ARL13B: variants seen among roughly 807,000 people sequenced by gnomAD.
The protein encoded by ARL13B is ARF like GTPase 13B.
ARL13B carries 36 observed loss-of-function variants against 56.1 expected under a neutral mutation model. That is an observed-to-expected ratio of 0.64 (90% CI 0.49 to 0.85). The LOEUF is 0.85. Ranked by LOEUF, ARL13B falls within the 40% of genes least tolerant of loss-of-function variation. ARL13B has a pLI of 0.00. For synonymous variants in ARL13B, 178 were observed against 171.1 expected (o/e 1.04, Z -0.32); for missense variants, 519 against 507.1 (o/e 1.02, Z -0.23).
In ARL13B at chr3:94,029,740, C is replaced by T. The variant is rs138146882; in HGVS notation, c.381-5591C>T. Among the ~76,000 whole-genome samples, 167 of 152,192 alleles carry T rather than the reference C, an allele frequency of 1.1e-3. 1 individual carries two copies. The highest frequency in any genetic ancestry group is 3.7e-3 in the African/African-American group (154 of 41,532). The stretch of plus-strand genomic sequence containing the variant: ...CTTTACACACCTACTTTTTATAGCA[C>T]TCTTTGTAAAAACAAAACACTGGAA... On this transcript the variant is annotated intron_variant, in intron 3 of 9. Coordinates refer to ENST00000394222, the MANE Select transcript of ARL13B (RefSeq NM_001174150.2).
chr3:93,984,008 T>C (rs1326700153), intron 1 of ARL13B, among the ~76,000 whole-genome samples: 1 of 152,212 alleles, frequency 6.6e-6, no homozygotes, highest in Non-Finnish European at 1.5e-5. Context: ...ATATTTTTTA[T>C]GTTATATGTA....
At chr3:94,044,761 G>A (rs1306510849) in intron 7 of ARL13B, among the ~76,000 whole-genome samples, 12 of 143,972 alleles carry the variant, frequency 8.3e-5, no homozygotes, top group Admixed American at 4.8e-4. Flanking sequence ...GCCTCTGCCC[G>A]GCCGCCCCGA....
chr3:93,984,998 A>G (rs550780062), intron 1 of ARL13B, among the ~76,000 whole-genome samples: 5 of 148,868 alleles, frequency 3.4e-5, no homozygotes, highest in Non-Finnish European at 7.5e-5. Flanking sequence ...TGACAAAGTG[A>G]AACCCTGTCT....
intron 3 of ARL13B, among the ~76,000 whole-genome samples, chr3:94,023,360 AC>A (rs1390614855): frequency 6.6e-6 from 1 of 151,270 alleles, no homozygotes; most frequent in Admixed American, 6.6e-5. Flanking sequence ...GAAATTCTTG[AC>A]CTTTTTTTCA....
chr3:94,006,066 C>A (rs1368430653), intron 3 of ARL13B, among the ~76,000 whole-genome samples: 4 of 151,946 alleles, frequency 2.6e-5, no homozygotes, highest in Admixed American at 2.6e-4. Flanking sequence ...TTTGGGAGGC[C>A]GAGGAGGGCA....
intron 3 of ARL13B, chr3:94,014,657 T>C (rs1307176068): frequency 6.2e-7 from 1 of 1,613,658 alleles, no homozygotes; most frequent in Non-Finnish European, 8.5e-7. Flanking sequence ...TGTGCTTTAG[T>C]GATATTGATT....
chr3:94,024,752 A>T (rs981651945), intron 3 of ARL13B, among the ~76,000 whole-genome samples: 2 of 151,902 alleles, frequency 1.3e-5, no homozygotes, highest in Non-Finnish European at 2.9e-5. Context: ...TGCTTGGCTG[A>T]TTTTTTAAAA....
chr3:93,990,344 T>C (rs1000301722), intron 1 of ARL13B, among the ~76,000 whole-genome samples: 2 of 152,144 alleles, frequency 1.3e-5, no homozygotes, highest in Non-Finnish European at 2.9e-5. Context: ...GCTTGGGACC[T>C]AAAATTTCTC....
intron 3 of ARL13B, among the ~76,000 whole-genome samples, chr3:94,023,146 A>G (rs964098823): frequency 2.6e-5 from 4 of 152,066 alleles, no homozygotes; most frequent in African/African-American, 9.7e-5. Context: ...CATAAATGCA[A>G]TGATAATTTT....
intron 1 of ARL13B, among the ~76,000 whole-genome samples, chr3:93,995,391 C>T (rs758922332): frequency 2.6e-5 from 4 of 151,838 alleles, no homozygotes; most frequent in Non-Finnish European, 5.9e-5. Context: ...TTATAGTATC[C>T]TTCTCTCAAA....
chr3:94,003,972 C>T, intron 3 of ARL13B, 64 bp downstream of exon 3: 1 of 1,602,708 alleles, frequency 6.2e-7, no homozygotes, highest in Non-Finnish European at 8.5e-7. Context: ...AGAAATTTAC[C>T]TGTTACAGAC....
At chr3:94,020,930 C>T (rs1233606827) in intron 3 of ARL13B, among the ~76,000 whole-genome samples, 1 of 152,012 alleles carries the variant, frequency 6.6e-6, no homozygotes, top group Non-Finnish European at 1.5e-5. Context: ...TTCCATACGC[C>T]TCTTCCTCTG....
At chr3:94,014,755 A>T in intron 3 of ARL13B, 1 of 1,613,404 alleles carries the variant, frequency 6.2e-7, no homozygotes, top group Non-Finnish European at 8.5e-7. Context: ...TTTTCCAGCA[A>T]CTTCAAGCTG....
intron 1 of ARL13B, among the ~76,000 whole-genome samples, chr3:93,985,879 A>G (rs893493850): frequency 6.6e-6 from 1 of 152,160 alleles, no homozygotes; most frequent in Non-Finnish European, 1.5e-5. Flanking sequence ...GGCCAAGTCT[A>G]AAATAAGATA....
intron 3 of ARL13B, among the ~76,000 whole-genome samples, chr3:94,031,034 G>T (rs571074776): frequency 3.3e-5 from 5 of 151,936 alleles, no homozygotes; most frequent in Non-Finnish European, 1.5e-5. Context: ...AAAAAAGAAC[G>T]TTCGAACACT....
intron 3 of ARL13B, chr3:94,015,231 C>G: frequency 6.3e-7 from 1 of 1,580,074 alleles, no homozygotes; most frequent in Non-Finnish European, 8.6e-7. Flanking sequence ...GTTCAATTTC[C>G]TTTGTTCTCT....
intron 4 of ARL13B, 38 bp from the exon 5 acceptor site, chr3:94,036,514 A>G: frequency 6.3e-7 from 1 of 1,591,054 alleles, no homozygotes; most frequent in South Asian, 1.1e-5. Flanking sequence ...TTGTGTGGAG[A>G]CCTTTTAATC....
chr3:94,029,346 T>A lies in ARL13B; in HGVS notation c.381-5985T>A, dbSNP rs564725464. 4.8e-3 allele frequency among the ~76,000 whole-genome samples: 502 copies of A among 105,010 alleles called. 8 individuals carry two copies. The highest frequency in any genetic ancestry group is 7.8e-3 in the South Asian group (28 of 3,610). The allele number at this position is 105,010 out of a possible 152,430, so 68.9% of individuals were successfully genotyped here. On this transcript the variant is annotated intron_variant, in intron 3 of 9. Transcript: ENST00000394222. ...TATATATATATATATTTATTTTTTT[T>A]TTATTTTTTTTTTTTTTTGAGAAGG... is the stretch of plus-strand genomic sequence containing the variant.
Position 94,039,883 on chromosome 3 carries a change from A to G in ARL13B, c.693A>G (p.Lys231=), listed in dbSNP as rs2076832533. 1 of 1,613,992 alleles carries G rather than the reference A, an allele frequency of 6.2e-7. No individual in the cohort carries two copies. The highest frequency in any genetic ancestry group is 1.7e-5 in the Admixed American group (1 of 59,996). Residue 231 remains lysine, a synonymous_variant, in exon 6 of 10, where the codon AAA becomes AAG. Transcript: ENST00000394222. ...ATTATTTTTCCTCAAACGATAGAAA[A>G]CAAAATGAACAGGAGCAGGCTGAAC... The part of the protein sequence containing the change: ...ERVRKLREER[K]QNEQEQAELD...
Sources: gnomAD v4.1 joint callset for allele counts (sites outside exome capture counted in the v4.1 genomes callset) on GRCh38, gnomAD v4.1.1 for gene constraint, MANE v1.5 for transcripts, NCBI Gene and HGNC (gene_info 2026-07-23, HGNC 2026-07-21) for gene names.